NRCAM: variants seen among roughly 807,000 people sequenced by gnomAD.
NRCAM encodes NgCAM-related cell adhesion molecule.
A neutral mutation model predicts 156.5 loss-of-function variants in NRCAM; 83 were observed. That is an observed-to-expected ratio of 0.53 (90% CI 0.44 to 0.64). The LOEUF is 0.64. NRCAM is among the 30% of genes least tolerant of loss of function. The pLI is 0.00. For synonymous variants in NRCAM, 538 were observed against 563.9 expected, an observed-to-expected ratio of 0.95 and a Z score of 0.65; for missense variants, 1,417 against 1,597.3, an observed-to-expected ratio of 0.89 and a Z score of 1.92.
intron 2 of NRCAM, among the ~76,000 whole-genome samples, chr7:108,379,710 A>G (rs1159061387): frequency 6.6e-6 from 1 of 152,206 alleles, no homozygotes; most frequent in Non-Finnish European, 1.5e-5. Flanking sequence ...AAACTTCTGA[A>G]AATAAAAAAT....
chr7:108,288,970 G>C (rs1459507400), intron 3 of NRCAM, among the ~76,000 whole-genome samples: 2 of 152,044 alleles, frequency 1.3e-5, no homozygotes, highest in Non-Finnish European at 2.9e-5. Context: ...TGAGGGTGGG[G>C]TAGGGGGTTG....
At chr7:108,166,312 A>G (rs2054174173) in intron 30 of NRCAM, among the ~76,000 whole-genome samples, 1 of 150,280 alleles carries the variant, frequency 6.7e-6, no homozygotes, top group South Asian at 2.1e-4. Flanking sequence ...CAATGGCGCA[A>G]TCTTGGCTCA....
intron 3 of NRCAM, among the ~76,000 whole-genome samples, chr7:108,251,778 G>C (rs7776972): frequency 0.33 from 50,541 of 152,022 alleles, 9,986 homozygotes; most frequent in African/African-American, 0.55. Flanking sequence ...AAGTTGAGCA[G>C]TGGTTTCTGG....
chr7:108,369,671 C>G (rs919877040), intron 2 of NRCAM, among the ~76,000 whole-genome samples: 2 of 152,084 alleles, frequency 1.3e-5, no homozygotes, highest in East Asian at 3.8e-4. Flanking sequence ...GTTCTGAGAG[C>G]AAGAACATTA....
intron 5 of NRCAM, 87 bp downstream of exon 5, chr7:108,237,665 T>C (rs2095195148): frequency 2.1e-6 from 2 of 966,544 alleles, no homozygotes; most frequent in Non-Finnish European, 3.0e-6. Flanking sequence ...AACATGAAAT[T>C]GTGCATTTAA....
intron 3 of NRCAM, among the ~76,000 whole-genome samples, chr7:108,250,910 T>TA (rs1052947715): frequency 2.6e-5 from 4 of 152,066 alleles, no homozygotes; most frequent in Non-Finnish European, 4.4e-5. Context: ...AAATTAAAAT[T>TA]AAAAAAATTT....
chr7:108,219,179 C>T (rs1025845373), intron 11 of NRCAM, among the ~76,000 whole-genome samples: 2 of 152,054 alleles, frequency 1.3e-5, no homozygotes, highest in South Asian at 2.1e-4. Context: ...ATACCTTAAA[C>T]AGACCAATAA....
chr7:108,173,559 G>C (rs942844848), intron 28 of NRCAM, among the ~76,000 whole-genome samples: 1 of 152,134 alleles, frequency 6.6e-6, no homozygotes, highest in African/African-American at 2.4e-5. Flanking sequence ...AATTATGCTT[G>C]AGCAGTTTAA....
intron 9 of NRCAM, 136 bp from the exon 10 acceptor site, chr7:108,225,837 T>C (rs927358794): frequency 1.1e-5 from 8 of 720,246 alleles, no homozygotes; most frequent in African/African-American, 1.7e-5. Context: ...GTGCTTTACA[T>C]TGTACATGAC....
At chr7:108,398,558 C>T (rs2154390155) in intron 2 of NRCAM, among the ~76,000 whole-genome samples, 1 of 152,236 alleles carries the variant, frequency 6.6e-6, no homozygotes, top group African/African-American at 2.4e-5. Flanking sequence ...TAACTTCTTA[C>T]TTTCTCACAT....
chr7:108,160,328 C>A (rs769961945), intron 31 of NRCAM, 33 bp downstream of exon 31: 1 of 1,586,156 alleles, frequency 6.3e-7, no homozygotes, highest in African/African-American at 1.3e-5. Flanking sequence ...TATTATGTAG[C>A]ATTATAAAGC....
intron 27 of NRCAM, among the ~76,000 whole-genome samples, chr7:108,176,176 G>A (rs1450664629): frequency 6.6e-6 from 1 of 151,974 alleles, no homozygotes; most frequent in Non-Finnish European, 1.5e-5. Context: ...ATTCAAGTGT[G>A]GCAAATATTA....
chr7:108,278,378 G>T (rs957587939), intron 3 of NRCAM, among the ~76,000 whole-genome samples: 1 of 152,228 alleles, frequency 6.6e-6, no homozygotes, highest in Non-Finnish European at 1.5e-5. Context: ...GCCTTGCTGA[G>T]CTGAAGTGGG....
intron 3 of NRCAM, among the ~76,000 whole-genome samples, chr7:108,264,184 C>T (rs565682013): frequency 6.6e-6 from 1 of 152,230 alleles, no homozygotes; most frequent in African/African-American, 2.4e-5. Context: ...ACCATTTGGC[C>T]ACTTTGGTCT....
intron 1 of NRCAM, among the ~76,000 whole-genome samples, chr7:108,427,826 A>G (rs1819361537): frequency 6.6e-6 from 1 of 152,210 alleles, no homozygotes; most frequent in African/African-American, 2.4e-5. Context: ...CACCAAATAC[A>G]GTTATTTCAA....
At chr7:108,156,186 T>C in intron 32 of NRCAM, 3 of 434,982 alleles carry the variant, frequency 6.9e-6, no homozygotes, top group Non-Finnish European at 9.2e-6. Context: ...ATGTGACACA[T>C]CTTGGCATCA....
intron 1 of NRCAM, among the ~76,000 whole-genome samples, chr7:108,454,055 A>G (rs1158334470): frequency 6.6e-6 from 1 of 152,216 alleles, no homozygotes; most frequent in African/African-American, 2.4e-5. Context: ...CATCTATGTA[A>G]TCACAGAGGC....
chr7:108,274,363 A>G (rs895359964), intron 3 of NRCAM, among the ~76,000 whole-genome samples: 3 of 152,192 alleles, frequency 2.0e-5, no homozygotes, highest in Non-Finnish European at 4.4e-5. Context: ...GATTCCTCCT[A>G]TCCATGAGCA....
intron 1 of NRCAM, among the ~76,000 whole-genome samples, chr7:108,428,932 ATTTTC>A (rs10561453): frequency 0.89 from 131,948 of 148,496 alleles, 58,966 homozygotes; most frequent in East Asian, 1. Flanking sequence ...GTGACCTAAA[ATTTTC>A]TTTTCTTTTC....
Sources: allele counts gnomAD v4.1 joint callset (sites outside exome capture counted in the v4.1 genomes callset), GRCh38; gene constraint gnomAD v4.1.1; transcripts MANE v1.5; gene names NCBI Gene and HGNC (gene_info 2026-07-23, HGNC 2026-07-21).